GPHN: variants seen among roughly 807,000 people sequenced by gnomAD.
GPHN encodes gephyrin.
Under a neutral mutation model 95.5 loss-of-function variants are expected in GPHN, and 17 were observed. The ratio of observed to expected loss-of-function variants is 0.18; its 90% confidence interval spans 0.12 to 0.27. The LOEUF is 0.27. GPHN is among the 10% of genes least tolerant of loss of function. The probability of loss-of-function intolerance (pLI) is 1.00; values close to 1 mark genes in which losing one functional copy is unlikely to be tolerated. For missense variants in GPHN, 660 were observed against 978.1 expected (o/e 0.67, Z 4.34); for synonymous variants, 320 against 322.5 (o/e 0.99, Z 0.08).
chr14:66,583,570 T>C (rs2061290375), intron 1 of GPHN, among the ~76,000 whole-genome samples: 1 of 152,152 alleles, frequency 6.6e-6, no homozygotes, highest in African/African-American at 2.4e-5. Context: ...GTATAAGGTG[T>C]AAGGAAGGGA....
chr14:67,059,092 G>T, intron 11 of GPHN: 1 of 474,358 alleles, frequency 2.1e-6, no homozygotes, highest in Admixed American at 3.8e-5. Context: ...CTAAAGAAAG[G>T]GTTCTCAGCA....
At chr14:66,794,388 A>G (rs980259499) in intron 3 of GPHN, among the ~76,000 whole-genome samples, 3 of 152,202 alleles carry the variant, frequency 2.0e-5, no homozygotes, top group Non-Finnish European at 2.9e-5. Flanking sequence ...TGCCCAGCAG[A>G]TGCCATCATC....
chr14:67,376,539 A>T, the GPHN span: 3 of 1,614,128 alleles, frequency 1.9e-6, no homozygotes, highest in Admixed American at 3.3e-5. Flanking sequence ...TTTGATGACA[A>T]GTACAAGAGA....
At chr14:67,604,753 T>G in the GPHN span, among the ~76,000 whole-genome samples, 1 of 152,092 alleles carries the variant, frequency 6.6e-6, no homozygotes, top group South Asian at 2.1e-4. Context: ...TTTTTTTCCC[T>G]AGAAGCTTAA....
At chr14:67,730,068 T>C in the GPHN span, among the ~76,000 whole-genome samples, 2 of 152,252 alleles carry the variant, frequency 1.3e-5, no homozygotes, top group African/African-American at 2.4e-5. Context: ...TAATAGCTAA[T>C]GTTGCTTGAG....
chr14:67,122,405 T>C (rs2079061563), intron 17 of GPHN, 28 bp downstream of exon 17: 1 of 1,605,256 alleles, frequency 6.2e-7, no homozygotes, highest in Admixed American at 1.7e-5. Context: ...TTCTGAAAAG[T>C]TTGTATTGTA....
At chr14:66,901,193 T>G (rs1045897033) in intron 5 of GPHN, among the ~76,000 whole-genome samples, 1 of 152,052 alleles carries the variant, frequency 6.6e-6, no homozygotes, top group Non-Finnish European at 1.5e-5. Flanking sequence ...TCATATAGTT[T>G]GCTCATTTTT....
chr14:67,361,616 C>G, the GPHN span, among the ~76,000 whole-genome samples: 1 of 152,190 alleles, frequency 6.6e-6, no homozygotes, highest in Non-Finnish European at 1.5e-5. Flanking sequence ...TTTGACCATG[C>G]ACTGTTTTGA....
the GPHN span, among the ~76,000 whole-genome samples, chr14:67,733,134 A>T: frequency 8.1e-4 from 30 of 37,040 alleles, no homozygotes; most frequent in East Asian, 0.016. Context: ...TAATAAAATT[A>T]AAAAAAACAA....
chr14:67,146,804 T>G (rs2080924029), intron 18 of GPHN, among the ~76,000 whole-genome samples: 1 of 152,150 alleles, frequency 6.6e-6, no homozygotes, highest in Admixed American at 6.5e-5. Context: ...GAGCCCAAGG[T>G]GGGCAGATTG....
the GPHN span, among the ~76,000 whole-genome samples, chr14:67,527,753 C>T: frequency 6.6e-6 from 1 of 152,330 alleles, no homozygotes; most frequent in Non-Finnish European, 1.5e-5. Context: ...CACGAAGGTC[C>T]TGCTTCTATT....
chr14:67,152,789 A>T (rs2081357254), intron 18 of GPHN, among the ~76,000 whole-genome samples: 1 of 151,880 alleles, frequency 6.6e-6, no homozygotes, highest in Non-Finnish European at 1.5e-5. Flanking sequence ...ACATGGGGAA[A>T]CCCCATCTCT....
At chr14:66,919,358 G>A (rs2066082709) in intron 6 of GPHN, among the ~76,000 whole-genome samples, 1 of 152,182 alleles carries the variant, frequency 6.6e-6, no homozygotes, top group Admixed American at 6.5e-5. Context: ...GAGTCAGCAT[G>A]TGTGTTAAAA....
chr14:67,693,786 C>T, the GPHN span, among the ~76,000 whole-genome samples: 2 of 151,738 alleles, frequency 1.3e-5, no homozygotes, highest in Admixed American at 1.3e-4. Flanking sequence ...CATCCCTCAC[C>T]CCCTCACCCA....
At chr14:66,545,145 G>T (rs1185701929) in intron 1 of GPHN, among the ~76,000 whole-genome samples, 13 of 151,926 alleles carry the variant, frequency 8.6e-5, no homozygotes, top group African/African-American at 3.1e-4. Context: ...TCACTTCCCA[G>T]TAGGGGCGGC....
chr14:66,692,636 CT>C, intron 2 of GPHN, among the ~76,000 whole-genome samples: 1 of 151,806 alleles, frequency 6.6e-6, no homozygotes, highest in Admixed American at 6.5e-5. Context: ...ATAATATTTG[CT>C]ATTTCTAATT....
the GPHN span, among the ~76,000 whole-genome samples, chr14:67,207,414 A>G: frequency 1.5e-4 from 23 of 152,188 alleles, no homozygotes; most frequent in Admixed American, 2.0e-4. Context: ...GAACTCACTC[A>G]TTATGGTGAG....
chr14:66,908,045 GGTTA>G (rs2065472640), intron 5 of GPHN, among the ~76,000 whole-genome samples: 1 of 151,934 alleles, frequency 6.6e-6, no homozygotes, highest in African/African-American at 2.4e-5. Flanking sequence ...TGCACACACA[GGTTA>G]GTTTACACAC....
At chr14:67,146,772 G>T (rs1460503531) in intron 18 of GPHN, among the ~76,000 whole-genome samples, 1 of 152,228 alleles carries the variant, frequency 6.6e-6, no homozygotes, top group African/African-American at 2.4e-5. Context: ...GTTGGCTCAT[G>T]CCTATAATCC....
Sources: gnomAD v4.1 joint callset for allele counts (sites outside exome capture counted in the v4.1 genomes callset) on GRCh38, gnomAD v4.1.1 for gene constraint, MANE v1.5 for transcripts, NCBI Gene and HGNC (gene_info 2026-07-23, HGNC 2026-07-21) for gene names.